The following TNRC6A variants were observed in gnomAD, a reference collection of about 807,000 sequenced individuals.
TNRC6A encodes trinucleotide repeat containing adaptor 6A.
A neutral mutation model predicts 221.2 loss-of-function variants in TNRC6A; 44 were observed. That is an observed-to-expected ratio of 0.20 (90% confidence interval 0.16 to 0.26). The LOEUF (loss-of-function observed/expected upper bound fraction) is 0.26. Ranked by LOEUF, TNRC6A falls within the 10% of genes least tolerant of loss-of-function variation. The probability of loss-of-function intolerance (pLI) is 1.00; values close to 1 mark genes in which losing one functional copy is unlikely to be tolerated. For synonymous variants in TNRC6A, 847 were observed against 838.5 expected (o/e 1.01, Z -0.18); for missense variants, 2,199 against 2,404.4 (o/e 0.91, Z 1.79).
At chr16:24,820,801 G>T (rs1596838619) in intron 22 of TNRC6A, among the ~76,000 whole-genome samples, 1 of 152,304 alleles carries the variant, frequency 6.6e-6, no homozygotes, top group African/African-American at 2.4e-5. Flanking sequence ...AAGCCAGAAG[G>T]CCCCGGCAGT....
chr16:24,610,594 C>T (rs1900000990), intron 1 of TNRC6A: 1 of 152,312 alleles, frequency 6.6e-6, no homozygotes, highest in Admixed American at 6.5e-5. Flanking sequence ...TGCCTGCCGG[C>T]TCTGGGGAGC....
intron 1 of TNRC6A, among the ~76,000 whole-genome samples, chr16:24,622,128 A>G (rs2141604481): frequency 6.6e-6 from 1 of 152,230 alleles, no homozygotes; most frequent in East Asian, 1.9e-4. Flanking sequence ...ACAAAAGAAT[A>G]TTTTTTAGTG....
rs2058805338 is a variant in TNRC6A, at chr16:24,823,301, A to T, written c.5514-131A>T. ...CGGGTGAAGGGAGGGCACGCAGGTT[A>T]TGTGGTGTAGTCTCTCCCTCTGTGC... On this transcript the variant is annotated intron_variant, in intron 24 of 24. Coordinates refer to ENST00000395799, the MANE Select transcript of TNRC6A (RefSeq NM_014494.4). The surrounding 1 kb of genome is among the most constrained non-coding windows in gnomAD (Gnocchi z 4.3). 8.6e-7 allele frequency: 1 copy of T among 1,163,736 alleles called. No homozygotes were observed. The highest frequency in any genetic ancestry group is 1.5e-5 in the South Asian group (1 of 66,222). 72.1% of individuals were successfully genotyped at this position (1,163,736 alleles called of 1,614,324 possible). A position where few individuals can be genotyped will look rare whatever the true frequency, so the allele number is the denominator to read the frequency against.
intron 1 of TNRC6A, among the ~76,000 whole-genome samples, chr16:24,633,892 A>G (rs928596206): frequency 3.3e-5 from 5 of 150,656 alleles, no homozygotes; most frequent in Non-Finnish European, 5.9e-5. Flanking sequence ...AGGGATTCTC[A>G]TGTCAGCCTC....
intron 2 of TNRC6A, among the ~76,000 whole-genome samples, chr16:24,749,272 C>G (rs986045284): frequency 6.6e-6 from 1 of 152,096 alleles, no homozygotes; most frequent in Non-Finnish European, 1.5e-5. Flanking sequence ...GAAGGCTGAT[C>G]TGTGTGAAGG....
intron 1 of TNRC6A, among the ~76,000 whole-genome samples, chr16:24,612,899 T>C (rs905752488): frequency 3.9e-5 from 6 of 152,028 alleles, no homozygotes; most frequent in Non-Finnish European, 8.8e-5. Context: ...AGATGATATA[T>C]TGTTTCAAAG....
At position 24,795,946 on chromosome 16, in the gene TNRC6A, A is replaced by G; in HGVS notation, c.3561+7A>G. 9 of 1,613,090 alleles carry G rather than the reference A, an allele frequency of 5.6e-6. No homozygotes were observed. The highest frequency in any genetic ancestry group is 6.8e-6 in the Non-Finnish European group (8 of 1,179,256). On this transcript the variant is annotated splice_region_variant and intron_variant, in intron 9 of 24. Transcript: ENST00000395799. ...AAAAAGGAGAAGGGAAAGGGTGTGT[A>G]GCCTTTTTACTCTTTCTCCTTTGTT...
chr16:24,690,119 C>G (rs1470099853), intron 2 of TNRC6A, among the ~76,000 whole-genome samples: 1 of 147,896 alleles, frequency 6.8e-6, no homozygotes, highest in East Asian at 2.1e-4. Flanking sequence ...AAACAATCTT[C>G]TTGTCTCAGC....
At chr16:24,768,925 G>T (rs1274421321) in intron 4 of TNRC6A, among the ~76,000 whole-genome samples, 4 of 152,136 alleles carry the variant, frequency 2.6e-5, no homozygotes, top group Non-Finnish European at 5.9e-5. Context: ...GATGATTGTT[G>T]GCTGGTCCAC....
At chr16:24,740,547 G>T (rs560217564) in intron 2 of TNRC6A, among the ~76,000 whole-genome samples, 6 of 152,198 alleles carry the variant, frequency 3.9e-5, no homozygotes, top group African/African-American at 1.4e-4. Flanking sequence ...AAAACTTTTT[G>T]ATGCTATTGT....
chr16:24,655,543 G>A (rs554020887), intron 2 of TNRC6A, among the ~76,000 whole-genome samples: 8 of 152,162 alleles, frequency 5.3e-5, no homozygotes, highest in African/African-American at 1.4e-4. Flanking sequence ...ACAAAAGTTA[G>A]CCAGGCGTGG....
intron 2 of TNRC6A, among the ~76,000 whole-genome samples, chr16:24,680,594 G>A (rs1370156548): frequency 1.3e-5 from 2 of 151,518 alleles, no homozygotes; most frequent in Non-Finnish European, 2.9e-5. Context: ...GCACGCACCT[G>A]TAGTCCCAGA....
At chr16:24,626,818 T>C (rs1382542345) in intron 1 of TNRC6A, among the ~76,000 whole-genome samples, 1 of 151,590 alleles carries the variant, frequency 6.6e-6, no homozygotes, top group Non-Finnish European at 1.5e-5. Flanking sequence ...CCCGGCTAAT[T>C]TTTTTGTACT....
chr16:24,664,776 C>G (rs2055118457), intron 2 of TNRC6A: 2 of 314,778 alleles, frequency 6.4e-6, no homozygotes, highest in Non-Finnish European at 1.1e-5. Context: ...AAATCACACA[C>G]ACACACACAC....
chr16:24,774,569 A>AT (rs942090845), intron 4 of TNRC6A, among the ~76,000 whole-genome samples: 6 of 150,038 alleles, frequency 4.0e-5, no homozygotes, highest in African/African-American at 7.3e-5. Flanking sequence ...AACTGTCACA[A>AT]TTTTTTTTTT....
At position 24,822,883 on chromosome 16, in the gene TNRC6A, T is replaced by G; in HGVS notation, c.5383T>G (p.Ser1795Ala). 6.2e-7 allele frequency: 1 copy of G among 1,613,620 alleles called. No individual in the cohort carries two copies. The highest frequency in any genetic ancestry group is 8.5e-7 in the Non-Finnish European group (1 of 1,179,992). Residue 1795 changes from serine (S) to alanine (A), a missense_variant, in exon 24 of 25, where the codon TCA becomes GCA. This residue lies in a region of TNRC6A where 27 missense variants were observed against 66.0 expected (regional missense o/e 0.41). Coordinates refer to ENST00000395799, the MANE Select transcript of TNRC6A (RefSeq NM_014494.4). The part of the protein sequence containing the change: ...LKNLTPQIDG[S>A]TLRTLCMQHG... The stretch of plus-strand genomic sequence containing the variant: ...CCACACTGTTTCCTAGATCGATGGC[T>G]CAACTCTGCGCACTCTGTGCATGCA...
At chr16:24,612,740 T>C (rs1239584954) in intron 1 of TNRC6A, among the ~76,000 whole-genome samples, 1 of 151,976 alleles carries the variant, frequency 6.6e-6, no homozygotes, top group Non-Finnish European at 1.5e-5. Flanking sequence ...AGTGAGACCC[T>C]GTCTCAAAGA....
chr16:24,613,062 G>A (rs1445527058), intron 1 of TNRC6A, among the ~76,000 whole-genome samples: 1 of 142,184 alleles, frequency 7.0e-6, no homozygotes, highest in African/African-American at 2.7e-5. Flanking sequence ...TTTGCAGTGA[G>A]CCGAGATCGC....
intron 23 of TNRC6A, 131 bp downstream of exon 23, chr16:24,822,278 T>C: frequency 1.2e-6 from 1 of 817,102 alleles, no homozygotes; most frequent in East Asian, 2.6e-5. Flanking sequence ...AGAGGAGTGG[T>C]CTGTAGACCT....
Sources: allele counts gnomAD v4.1 joint callset (sites outside exome capture counted in the v4.1 genomes callset), GRCh38; gene constraint gnomAD v4.1.1; regional missense constraint gnomAD v4.1.1; non-coding constraint Gnocchi (gnomAD v3.1); transcripts MANE v1.5; gene names NCBI Gene and HGNC (gene_info 2026-07-23, HGNC 2026-07-21).